Variants in LARP4B observed in about 807,000 individuals in gnomAD.
LARP4B encodes the protein La ribonucleoprotein 4B.
A neutral mutation model predicts 89.8 loss-of-function variants in LARP4B; 12 were observed. That is an observed-to-expected ratio of 0.13 (90% confidence interval 0.09 to 0.22). The LOEUF is 0.22. Among genes scored for constraint, LARP4B ranks in the 10% least tolerant of loss-of-function variants. The probability of loss-of-function intolerance (pLI) is 1.00; values close to 1 mark genes in which losing one functional copy is unlikely to be tolerated. For synonymous variants in LARP4B, 367 were observed against 363.3 expected (o/e 1.01, Z -0.12); for missense variants, 757 against 947.7 (o/e 0.80, Z 2.64).
At chr10:983,866 A>T in the LARP4B span, among the ~76,000 whole-genome samples, 1 of 152,214 alleles carries the variant, frequency 6.6e-6, no homozygotes, top group Non-Finnish European at 1.5e-5. Context: ...CCAGACACAT[A>T]CATTCTGATA....
intron 1 of LARP4B, among the ~76,000 whole-genome samples, chr10:904,046 A>G (rs1159183460): frequency 1.3e-5 from 2 of 152,224 alleles, no homozygotes; most frequent in African/African-American, 4.8e-5. Context: ...GAAATCTGAA[A>G]TCCTCCAAAA....
intron 5 of LARP4B, among the ~76,000 whole-genome samples, chr10:860,752 T>C (rs1383530160): frequency 1.3e-5 from 2 of 152,160 alleles, no homozygotes; most frequent in Non-Finnish European, 2.9e-5. Flanking sequence ...CACACGTCTG[T>C]TGTCCAGCAA....
intron 1 of LARP4B, among the ~76,000 whole-genome samples, chr10:930,406 A>G (rs1273008368): frequency 6.6e-6 from 1 of 152,212 alleles, no homozygotes; most frequent in Non-Finnish European, 1.5e-5. Flanking sequence ...TACTATTAAG[A>G]CAAGTTATTG....
chr10:895,438 C>A lies in LARP4B; in HGVS notation c.-39-9678G>T, dbSNP rs533520225. Among the ~76,000 whole-genome samples the A allele has an allele frequency of 4.6e-5, 7 of 151,334 alleles. No individual in the cohort carries two copies. The South Asian group carries it at 8.3e-4, about 18-fold the overall frequency. On this transcript the variant is annotated intron_variant, in intron 1 of 17. Coordinates refer to ENST00000316157, the MANE Select transcript of LARP4B (RefSeq NM_015155.3). ...TAAAAACGCAGAAAGTAGGCTCATGCCTGTAATCCCAACACTTTGGGAGAC... is the reference window on the plus strand; with the variant it reads ...TAAAAACGCAGAAAGTAGGCTCATGACTGTAATCCCAACACTTTGGGAGAC...
the LARP4B span, among the ~76,000 whole-genome samples, chr10:956,306 C>T: frequency 6.6e-6 from 1 of 151,972 alleles, no homozygotes; most frequent in Non-Finnish European, 1.5e-5. This position sits in a 1 kb window ranked among gnomAD's most constrained non-coding sequence, Gnocchi z 4.3. Flanking sequence ...ACACCTGCGT[C>T]TAAGGGGTTC....
intron 3 of LARP4B, among the ~76,000 whole-genome samples, 153 bp from the exon 4 acceptor site, chr10:864,423 TAA>T (rs199968615): frequency 1.9e-4 from 25 of 131,194 alleles, no homozygotes; most frequent in Non-Finnish European, 2.2e-4. Context: ...GGTTCAAAAT[TAA>T]AAAAAAAAAA....
At chr10:899,664 A>G (rs971782799) in intron 1 of LARP4B, among the ~76,000 whole-genome samples, 9 of 152,230 alleles carry the variant, frequency 5.9e-5, no homozygotes, top group African/African-American at 2.2e-4. Context: ...CTAATTGTCT[A>G]TGATTAGGAA....
chr10:812,655 G>T lies in LARP4B; in HGVS notation c.*271C>A. The T allele has an allele frequency of 3.2e-6, 1 of 313,308 alleles. No individual in the cohort carries two copies. The highest frequency in any genetic ancestry group is 5.8e-6 in the Non-Finnish European group (1 of 173,624). The allele number at this position is 313,308 out of a possible 1,614,324, so 19.4% of individuals were successfully genotyped here. A position where few individuals can be genotyped will look rare whatever the true frequency, so the allele number is the denominator to read the frequency against. On this transcript the variant is annotated 3_prime_UTR_variant, in exon 18 of 18. Coordinates refer to ENST00000316157, the MANE Select transcript of LARP4B (RefSeq NM_015155.3). ...AAAATACCAATTTGTTAGGATAAAT[G>T]CTTTTTCTATCTTGGAAAAAAAAAT...
chr10:883,704 C>T (rs1404852709), intron 3 of LARP4B, among the ~76,000 whole-genome samples: 1 of 150,342 alleles, frequency 6.7e-6, no homozygotes. Context: ...GAGGCCAAGG[C>T]GGGAGGATCA....
chr10:885,185 T>C (rs1835815262), intron 2 of LARP4B, among the ~76,000 whole-genome samples: 1 of 152,176 alleles, frequency 6.6e-6, no homozygotes, highest in African/African-American at 2.4e-5. Flanking sequence ...GGGGCCCTGC[T>C]CTGTACCAGG....
At chr10:833,761 T>C (rs1470502637) in intron 8 of LARP4B, among the ~76,000 whole-genome samples, 1 of 151,966 alleles carries the variant, frequency 6.6e-6, no homozygotes, top group East Asian at 1.9e-4. Flanking sequence ...TGGTGGCGCA[T>C]GCCTGTAGTC....
chr10:936,502 C>T (rs1176029060), upstream of LARP4B, among the ~76,000 whole-genome samples: 1 of 152,106 alleles, frequency 6.6e-6, no homozygotes, highest in Non-Finnish European at 1.5e-5. Context: ...GGTGTATCAT[C>T]TAATGTCAGG....
chr10:950,876 G>GA, the LARP4B span, among the ~76,000 whole-genome samples: 1 of 151,454 alleles, frequency 6.6e-6, no homozygotes, highest in Middle Eastern at 3.4e-3. Flanking sequence ...TTAGTTGTAG[G>GA]AGGGTTTTTT....
intron 3 of LARP4B, among the ~76,000 whole-genome samples, chr10:865,661 T>C (rs960999574): frequency 2.0e-5 from 3 of 152,214 alleles, no homozygotes; most frequent in African/African-American, 7.2e-5. Context: ...CCTACTCCCC[T>C]GATTTTTCTG....
At chr10:919,121 T>C (rs1836910854) in intron 1 of LARP4B, among the ~76,000 whole-genome samples, 1 of 152,188 alleles carries the variant, frequency 6.6e-6, no homozygotes, top group African/African-American at 2.4e-5. Flanking sequence ...ATTAATACTT[T>C]GTTTAACAGT....
the LARP4B span, among the ~76,000 whole-genome samples, chr10:975,492 T>C: frequency 6.6e-6 from 1 of 152,244 alleles, no homozygotes; most frequent in African/African-American, 2.4e-5. Context: ...GATTTTCATA[T>C]ACAAAATGTT....
At chr10:913,957 A>G (rs954835871) in intron 1 of LARP4B, among the ~76,000 whole-genome samples, 1 of 152,184 alleles carries the variant, frequency 6.6e-6, no homozygotes, top group Non-Finnish European at 1.5e-5. Context: ...TGTAAATAAG[A>G]TATTTATAAA....
the LARP4B span, chr10:986,548 C>G: frequency 6.6e-6 from 1 of 152,248 alleles, no homozygotes; most frequent in Non-Finnish European, 1.5e-5. Flanking sequence ...TGATTCTCAT[C>G]AACACGCACA....
chr10:900,260 T>C (rs112307117), intron 1 of LARP4B, among the ~76,000 whole-genome samples: 3 of 151,980 alleles, frequency 2.0e-5, no homozygotes, highest in African/African-American at 4.8e-5. Context: ...GGCAGGAGAA[T>C]TGCTTGAACC....
Sources: allele counts gnomAD v4.1 joint callset (sites outside exome capture counted in the v4.1 genomes callset), GRCh38; gene constraint gnomAD v4.1.1; non-coding constraint Gnocchi (gnomAD v3.1); transcripts MANE v1.5; gene names NCBI Gene and HGNC (gene_info 2026-07-23, HGNC 2026-07-21).